The following YLPM1 variants were observed in gnomAD, a reference collection of about 807,000 sequenced individuals.
YLPM1 encodes YLP motif containing 1, also known as YLP motif-containing protein 1.
Under a neutral mutation model 230.0 loss-of-function variants are expected in YLPM1, and 99 were observed. The observed-to-expected ratio is 0.43, with a 90% CI of 0.37 to 0.51. YLPM1 has a LOEUF of 0.51. Ranked by LOEUF, YLPM1 falls within the 20% of genes least tolerant of loss-of-function variation. The pLI is 0.00. For synonymous variants in YLPM1, 984 were observed against 942.5 expected, an observed-to-expected ratio of 1.04 and a Z score of -0.81; for missense variants, 2,592 against 2,707.7, an observed-to-expected ratio of 0.96 and a Z score of 0.95.
Position 74,798,712 on chromosome 14 carries a change from G to C in YLPM1, c.3415G>C (p.Ala1139Pro). The C allele has an allele frequency of 6.2e-7, 1 of 1,612,430 alleles. No homozygotes were observed. Among genetic ancestry groups the C allele is most frequent in the Non-Finnish European group, 8.5e-7 (1 of 1,178,900 alleles). The part of the protein sequence containing the change: ...GSRERIPPRR[A>P]GSRERGPPRG... Reference sequence around the variant, plus strand: ...TAGAGAGAGAATACCACCCCGAAGAGCTGGGAGCAGGGAGAGAGGACCACC... The same window carrying C: ...TAGAGAGAGAATACCACCCCGAAGACCTGGGAGCAGGGAGAGAGGACCACC... The change falls in exon 5 of 21, where the codon GCT becomes CCT. Residue 1139 changes from alanine to proline, a missense_variant. By Grantham distance (27) the Ala-to-Pro change is conservative (BLOSUM62 -1). Transcript: ENST00000325680.
At chr14:74,810,113 C>G in intron 8 of YLPM1, 111 bp downstream of exon 8, 1 of 1,458,680 alleles carries the variant, frequency 6.9e-7, no homozygotes, top group Non-Finnish European at 9.2e-7. Flanking sequence ...CTAAAAGATT[C>G]TTAGTTGAAT....
At chr14:74,779,810 T>A (rs1232254126) in intron 2 of YLPM1, among the ~76,000 whole-genome samples, 1 of 140,912 alleles carries the variant, frequency 7.1e-6, no homozygotes, top group Non-Finnish European at 1.5e-5. Context: ...CTCCCCTCCT[T>A]TTTTTTTTTT....
At chr14:74,780,230 G>A (rs1171051202) in intron 2 of YLPM1, among the ~76,000 whole-genome samples, 175 bp from the exon 3 acceptor site, 1 of 152,166 alleles carries the variant, frequency 6.6e-6, no homozygotes, top group Non-Finnish European at 1.5e-5. Context: ...ATAGAGCTAT[G>A]TGTTTTATCT....
intron 6 of YLPM1, among the ~76,000 whole-genome samples, chr14:74,803,782 C>T (rs998054910): frequency 2.6e-5 from 4 of 152,134 alleles, no homozygotes; most frequent in Non-Finnish European, 4.4e-5. Flanking sequence ...TTGATTTTAC[C>T]TCCTTTGAAT....
chr14:74,785,272 A>G (rs574671090), intron 4 of YLPM1, among the ~76,000 whole-genome samples: 2 of 152,102 alleles, frequency 1.3e-5, no homozygotes, highest in African/African-American at 4.8e-5. Context: ...AATGATGATT[A>G]TATTGTTTTA....
chr14:74,795,860 C>T (rs2091255536), intron 4 of YLPM1, among the ~76,000 whole-genome samples: 2 of 152,196 alleles, frequency 1.3e-5, no homozygotes, highest in African/African-American at 4.8e-5. Context: ...TTTATTCTCT[C>T]TTAGGACTTA....
Position 74,829,336 on chromosome 14 carries a change from A to G in YLPM1, c.6287A>G (p.Lys2096Arg). 11 of 1,612,874 alleles carry G rather than the reference A, an allele frequency of 6.8e-6. No individual in the cohort carries two copies. Among genetic ancestry groups the G allele is most frequent in the Non-Finnish European group, 9.3e-6 (11 of 1,179,084 alleles). Residue 2096 changes from lysine (K) to arginine (R), a missense_variant, in exon 19 of 21, where the codon AAG becomes AGG. Transcript: ENST00000325680. Reference protein sequence around the residue: ...DYDTRASEPGKKRVRWADLEE... With the variant: ...DYDTRASEPGRKRVRWADLEE... ...GATACTCGTGCTTCTGAGCCTGGGA[A>G]GAAGAGGGTAAGAGACTTTGTCAAT...
At chr14:74,788,574 G>A in intron 4 of YLPM1, among the ~76,000 whole-genome samples, 1 of 152,216 alleles carries the variant, frequency 6.6e-6, no homozygotes. Context: ...GGGCATGGTG[G>A]CTCACACACC....
At chr14:74,773,622 C>T (rs2091001467) in intron 1 of YLPM1, among the ~76,000 whole-genome samples, 1 of 149,650 alleles carries the variant, frequency 6.7e-6, no homozygotes, top group Non-Finnish European at 1.5e-5. Context: ...TTGATGTTTT[C>T]AGTATTAAAA....
chr14:74,785,801 C>A (rs778273841), intron 4 of YLPM1, among the ~76,000 whole-genome samples: 1 of 152,068 alleles, frequency 6.6e-6, no homozygotes, highest in Non-Finnish European at 1.5e-5. Context: ...TTTATAAAAA[C>A]GAGATTTCTA....
At chr14:74,779,787 T>TCCCTCCCCTCCCCTCCCCTCCCCTC (rs778601876) in intron 2 of YLPM1, among the ~76,000 whole-genome samples, 1 of 146,176 alleles carries the variant, frequency 6.8e-6, no homozygotes, top group African/African-American at 2.6e-5. Flanking sequence ...GGACCTCTCT[T>TCCCTCCCCTCCCCTCCCCTCCCCTC]CCCTCCCCTC....
At chr14:74,829,521 T>A (rs2091592140) in intron 19 of YLPM1, among the ~76,000 whole-genome samples, 178 bp downstream of exon 19, 1 of 152,108 alleles carries the variant, frequency 6.6e-6, no homozygotes, top group South Asian at 2.1e-4. Context: ...AATGTACAAG[T>A]AGCTTAAAAA....
chr14:74,786,304 G>A (rs994156355), intron 4 of YLPM1, among the ~76,000 whole-genome samples: 1 of 146,738 alleles, frequency 6.8e-6, no homozygotes, highest in African/African-American at 2.5e-5. Context: ...GGAGGTTGCA[G>A]TGAGCCAAGA....
chr14:74,768,246 G>T (rs2090933150), intron 1 of YLPM1, among the ~76,000 whole-genome samples: 1 of 150,614 alleles, frequency 6.6e-6, no homozygotes, highest in Non-Finnish European at 1.5e-5. Context: ...AATGGAATGT[G>T]TTTTTTTGTT....
chr14:74,788,451 T>C (rs2091171089), intron 4 of YLPM1, among the ~76,000 whole-genome samples: 1 of 152,236 alleles, frequency 6.6e-6, no homozygotes, highest in Non-Finnish European at 1.5e-5. Context: ...CAAATTGAGA[T>C]GGTCCAGGTT....
chr14:74,776,693 G>A (rs1410130324), intron 1 of YLPM1, among the ~76,000 whole-genome samples: 1 of 152,194 alleles, frequency 6.6e-6, no homozygotes, highest in Non-Finnish European at 1.5e-5. Flanking sequence ...TGAGTCAGGG[G>A]ACTCATGTTT....
chr14:74,835,150 T>G (rs2091634314), intron 19 of YLPM1, 115 bp from the exon 20 acceptor site: 1 of 1,356,204 alleles, frequency 7.4e-7, no homozygotes, highest in Non-Finnish European at 9.9e-7. Context: ...TTTTTAATTT[T>G]TTAAACTTGC....
Position 74,798,605 on chromosome 14 carries a change from G to C in YLPM1, c.3308G>C (p.Arg1103Thr), listed in dbSNP as rs1240697279. Residue 1103 changes from arginine (R) to threonine (T), a missense_variant, in exon 5 of 21, where the codon AGG becomes ACG. Transcript: ENST00000325680. Reference sequence around the variant, plus strand: ...GGTGGTCTTCAAGGGAGCCAGGACAGGGGTGCAGCTGGCAGCCGAGAAAGG... The same window carrying C: ...GGTGGTCTTCAAGGGAGCCAGGACACGGGTGCAGCTGGCAGCCGAGAAAGG... ...VPGGLQGSQD[R>T]GAAGSRERGP... 1 of 1,612,856 alleles carries C rather than the reference G, an allele frequency of 6.2e-7. No individual in the cohort carries two copies. The highest frequency in any genetic ancestry group is 8.5e-7 in the Non-Finnish European group (1 of 1,179,160).
At position 74,809,399 on chromosome 14, in the gene YLPM1, C is replaced by T; in HGVS notation, c.4541C>T (p.Pro1514Leu). The change falls in exon 7 of 21, where the codon CCT (proline) becomes CTT (leucine). Residue 1514 changes from proline to leucine, a missense_variant. Physicochemically the swap from Pro to Leu is moderately conservative, Grantham distance 98 (BLOSUM62 -3). Around this residue, in one of 4 missense-constraint regions of YLPM1, gnomAD observed 403 missense variants for 426.7 expected, o/e 0.94. Coordinates refer to ENST00000325680, the MANE Select transcript of YLPM1 (RefSeq NM_019589.3). ...CTCTAGCCTCCAGGGTCGTATAGAC[C>T]TCCCCCTCCTATGGGCAAACCACCA... ...GMYPPPGSYRPPPPMGKPPGS... is the reference protein window; with the variant it reads ...GMYPPPGSYRLPPPMGKPPGS... The T allele has an allele frequency of 6.2e-7, 1 of 1,608,852 alleles. No individual in the cohort carries two copies. The highest frequency in any genetic ancestry group is 8.5e-7 in the Non-Finnish European group (1 of 1,177,386).
Sources: gnomAD v4.1 joint callset for allele counts (sites outside exome capture counted in the v4.1 genomes callset) on GRCh38, gnomAD v4.1.1 for gene constraint, gnomAD v4.1.1 regional missense constraint, MANE v1.5 for transcripts, NCBI Gene and HGNC (gene_info 2026-07-23, HGNC 2026-07-21) for gene names.